The following MYOCD variants were observed in gnomAD, a reference collection of about 807,000 sequenced individuals.
The protein encoded by MYOCD is myocardin.
MYOCD carries 32 observed loss-of-function variants against 96.1 expected under a neutral mutation model. The ratio of observed to expected loss-of-function variants is 0.33; its 90% CI spans 0.25 to 0.45. The LOEUF is 0.45. Among genes scored for constraint, MYOCD ranks in the 20% least tolerant of loss-of-function variants. MYOCD has a pLI of 1.00. For missense variants in MYOCD, 1,133 were observed against 1,200.6 expected (o/e 0.94, Z 0.83); for synonymous variants, 469 against 469.0 (o/e 1.00, Z 0.00).
intron 4 of MYOCD, among the ~76,000 whole-genome samples, chr17:12,719,700 A>AAC (rs1555532288): frequency 6.9e-6 from 1 of 145,406 alleles, no homozygotes; most frequent in Non-Finnish European, 1.5e-5. Flanking sequence ...TAAAAATACA[A>AAC]AAAAAAAAAA....
intron 2 of MYOCD, among the ~76,000 whole-genome samples, chr17:12,713,088 C>T (rs1013846439): frequency 2.0e-5 from 3 of 152,156 alleles, no homozygotes; most frequent in African/African-American, 7.2e-5. Flanking sequence ...ACCCCTTAAC[C>T]TCTGAGGAGA....
At chr17:12,695,716 C>T (rs901719392) in intron 1 of MYOCD, among the ~76,000 whole-genome samples, 3 of 152,140 alleles carry the variant, frequency 2.0e-5, no homozygotes, top group Non-Finnish European at 4.4e-5. Flanking sequence ...GTATAATACA[C>T]ATAAAATGTA....
chr17:12,740,909 T>C (rs750327231), intron 7 of MYOCD, among the ~76,000 whole-genome samples: 2 of 152,076 alleles, frequency 1.3e-5, no homozygotes, highest in African/African-American at 2.4e-5. Context: ...TGGCAAATTT[T>C]GTATTTTTAG....
rs952817631 is a variant in MYOCD at position 12,764,955 on chromosome 17, GTT to G, written c.*1313_*1314del. 1 of 152,074 alleles carries G rather than the reference GTT, an allele frequency of 6.6e-6. No homozygotes were observed. The highest frequency in any genetic ancestry group is 1.5e-5 in the Non-Finnish European group (1 of 68,020). The allele number at this position is 152,074 out of a possible 1,614,324, so 9.4% of individuals were successfully genotyped here. ...CAGTCACGAAGTTCTTTCTATTCTC[GTT>G]TAGTTTTCAAGAAATTATTGGTTTG... is the stretch of plus-strand genomic sequence containing the variant. On this transcript the variant is annotated 3_prime_UTR_variant, in exon 14 of 14. Coordinates refer to ENST00000425538, the MANE Select transcript of MYOCD (RefSeq NM_001146312.3).
Position 12,756,564 on chromosome 17 carries a change from A to G in MYOCD, c.2202+7A>G, listed in dbSNP as rs1181684641. 6.5e-7 allele frequency: 1 copy of G among 1,548,212 alleles called. No individual in the cohort carries two copies. The highest frequency in any genetic ancestry group is 2.0e-5 in the Admixed American group (1 of 50,754). On this transcript the variant is annotated splice_region_variant and intron_variant, in intron 11 of 13. Coordinates refer to ENST00000425538, the MANE Select transcript of MYOCD (RefSeq NM_001146312.3). ...CCCATGTGTACAGCAAAAGGTAGGC[A>G]CCTGAAAAAAGGCCTCAACCTGGGA...
intron 10 of MYOCD, among the ~76,000 whole-genome samples, chr17:12,754,076 ATG>A (rs71144924): frequency 0.038 from 5,617 of 147,318 alleles, 317 homozygotes; most frequent in African/African-American, 0.12. Flanking sequence ...GTGTGTGTGT[ATG>A]TGTGTGTGTG....
At chr17:12,680,636 T>C (rs559738734) in intron 1 of MYOCD, among the ~76,000 whole-genome samples, 1 of 152,348 alleles carries the variant, frequency 6.6e-6, no homozygotes, top group Non-Finnish European at 1.5e-5. Context: ...AATTCACTCA[T>C]GGCTCTGTGC....
At chr17:12,688,828 G>A (rs1208069476) in intron 1 of MYOCD, among the ~76,000 whole-genome samples, 2 of 151,782 alleles carry the variant, frequency 1.3e-5, no homozygotes, top group Non-Finnish European at 2.9e-5. Context: ...GTGGGCAAAA[G>A]TATTGCCTTA....
At chr17:12,754,140 T>C (rs1209174603) in intron 10 of MYOCD, among the ~76,000 whole-genome samples, 1 of 151,950 alleles carries the variant, frequency 6.6e-6, no homozygotes, top group Non-Finnish European at 1.5e-5. Flanking sequence ...AGTCTCGCTC[T>C]GTCACCCAGG....
At chr17:12,710,205 C>T (rs550300701) in intron 2 of MYOCD, among the ~76,000 whole-genome samples, 15 of 152,244 alleles carry the variant, frequency 9.9e-5, no homozygotes, top group Middle Eastern at 3.4e-3. Context: ...TTTTCCTCTC[C>T]GTCTCCCTCT....
At chr17:12,693,855 G>A (rs2030605678) in intron 1 of MYOCD, among the ~76,000 whole-genome samples, 1 of 151,904 alleles carries the variant, frequency 6.6e-6, no homozygotes, top group Non-Finnish European at 1.5e-5. Flanking sequence ...GATGACAATG[G>A]CCAAAAGAAT....
chr17:12,676,850 A>T (rs1318111684), intron 1 of MYOCD, among the ~76,000 whole-genome samples: 4 of 152,206 alleles, frequency 2.6e-5, no homozygotes, highest in Non-Finnish European at 5.9e-5. Flanking sequence ...ATTGTATGAT[A>T]TGAACTCGAG....
intron 1 of MYOCD, among the ~76,000 whole-genome samples, chr17:12,696,864 G>A (rs2030776358): frequency 6.6e-6 from 1 of 152,198 alleles, no homozygotes; most frequent in Non-Finnish European, 1.5e-5. Context: ...GAAAACACAT[G>A]TCACTGATAC....
At chr17:12,757,115 C>T (rs902499363) in intron 11 of MYOCD, among the ~76,000 whole-genome samples, 1 of 152,010 alleles carries the variant, frequency 6.6e-6, no homozygotes, top group Admixed American at 6.6e-5. Flanking sequence ...GATCCATGGA[C>T]AGGATTGGAG....
At position 12,768,238 on chromosome 17, in the gene MYOCD, T is replaced by G. The variant is rs1262873096; in HGVS notation, c.*4594T>G. 2 of 152,182 alleles carry G rather than the reference T, an allele frequency of 1.3e-5. No individual in the cohort carries two copies. Among genetic ancestry groups the G allele is most frequent in the African/African-American group, 4.8e-5 (2 of 41,448 alleles). The allele number at this position is 152,182 out of a possible 1,614,324, so 9.4% of individuals were successfully genotyped here. A position where few individuals can be genotyped will look rare whatever the true frequency, so the allele number is the denominator to read the frequency against. Reference sequence around the variant, plus strand: ...GATCTGGTCAGTTGCGTTAAGGAGCTGGGTTTGATTCTAGAGTCCAGGTTT... The same window carrying G: ...GATCTGGTCAGTTGCGTTAAGGAGCGGGGTTTGATTCTAGAGTCCAGGTTT... On this transcript the variant is annotated 3_prime_UTR_variant, in exon 14 of 14. Coordinates refer to ENST00000425538, the MANE Select transcript of MYOCD (RefSeq NM_001146312.3).
In MYOCD at chr17:12,753,013, T is replaced by C. The variant is rs908695977; in HGVS notation, c.1725T>C (p.Ala575=). 2 of 1,614,024 alleles carry C rather than the reference T, an allele frequency of 1.2e-6. No homozygotes were observed. Among genetic ancestry groups the C allele is most frequent in the Non-Finnish European group, 1.7e-6 (2 of 1,180,026 alleles). Residue 575 remains alanine, a synonymous_variant, in exon 10 of 14, where the codon GCT becomes GCC. Coordinates refer to ENST00000425538, the MANE Select transcript of MYOCD (RefSeq NM_001146312.3). The part of the protein sequence containing the change: ...FLAASIKQEE[A]VSSCPFASQV... ...CTGCCTCCATCAAGCAGGAAGAGGC[T>C]GTCTCCAGCTGTCCTTTTGCATCCC...
chr17:12,747,593 A>G (rs139030672), intron 9 of MYOCD, among the ~76,000 whole-genome samples: 115 of 152,278 alleles, frequency 7.6e-4, no homozygotes, highest in African/African-American at 2.5e-3. Context: ...TTGACAAAGA[A>G]CAAAATGGAA....
At chr17:12,720,084 T>TCAC (rs1401662248) in intron 4 of MYOCD, among the ~76,000 whole-genome samples, 3 of 152,150 alleles carry the variant, frequency 2.0e-5, no homozygotes, top group African/African-American at 7.2e-5. Context: ...CTTTTCCTTG[T>TCAC]CACCACGTTT....
chr17:12,731,123 A>G lies in MYOCD; in HGVS notation c.416-5038A>G, dbSNP rs575510771. ...CAGCCCCGACGCGTCTGCAGGGACA[A>G]TAGCCAGCACACCGCTCTCCATCAG... On this transcript the variant is annotated intron_variant, in intron 5 of 13. Coordinates refer to ENST00000425538, the MANE Select transcript of MYOCD (RefSeq NM_001146312.3). Among the ~76,000 whole-genome samples the G allele has an allele frequency of 2.6e-5, 4 of 152,274 alleles. No individual in the cohort carries two copies. The East Asian group carries it at 7.7e-4, about 29-fold the overall frequency.
Sources: gnomAD v4.1 joint callset for allele counts (sites outside exome capture counted in the v4.1 genomes callset) on GRCh38, gnomAD v4.1.1 for gene constraint, MANE v1.5 for transcripts, NCBI Gene and HGNC (gene_info 2026-07-23, HGNC 2026-07-21) for gene names.